WDPCP: variants seen among roughly 807,000 people sequenced by gnomAD.
WDPCP encodes the protein WD repeat-containing and planar cell polarity effector protein fritz homolog.
WDPCP carries 71 observed loss-of-function variants against 93.1 expected under a neutral mutation model. The observed-to-expected ratio is 0.76, with a 90% CI of 0.63 to 0.93. WDPCP has a LOEUF of 0.93. Among genes scored for constraint, WDPCP ranks in the 40% least tolerant of loss-of-function variants. WDPCP has a pLI of 0.00. For synonymous variants in WDPCP, 315 were observed against 315.0 expected (o/e 1.00, Z 0.00); for missense variants, 844 against 887.4 (o/e 0.95, Z 0.62).
intron 14 of WDPCP, among the ~76,000 whole-genome samples, chr2:63,199,565 T>G (rs986226649): frequency 3.9e-5 from 6 of 152,220 alleles, no homozygotes; most frequent in Non-Finnish European, 8.8e-5. Flanking sequence ...GTGGCTTCCA[T>G]GTGGTGTTAA....
At chr2:63,435,312 A>G (rs1162326975) in intron 8 of WDPCP, among the ~76,000 whole-genome samples, 1 of 152,220 alleles carries the variant, frequency 6.6e-6, no homozygotes, top group Non-Finnish European at 1.5e-5. Context: ...AGCTGTAAAG[A>G]AAAGCAAAAG....
At chr2:63,840,412 T>C in the WDPCP span, among the ~76,000 whole-genome samples, 7 of 152,344 alleles carry the variant, frequency 4.6e-5, no homozygotes, top group Admixed American at 1.3e-4. Flanking sequence ...TAAACGCCTA[T>C]CACAGCAGCT....
chr2:63,381,500 G>A (rs943361328), intron 11 of WDPCP, among the ~76,000 whole-genome samples: 10 of 151,952 alleles, frequency 6.6e-5, no homozygotes, highest in African/African-American at 1.9e-4. Flanking sequence ...AGAGGACTTC[G>A]GTGTGAGAAA....
At chr2:63,464,632 C>A (rs1699228333) in intron 6 of WDPCP, among the ~76,000 whole-genome samples, 1 of 151,744 alleles carries the variant, frequency 6.6e-6, no homozygotes, top group East Asian at 1.9e-4. Flanking sequence ...TGGAAGCAAT[C>A]CAGATGTCCA....
At chr2:63,545,017 G>C (rs1455688591) in intron 1 of WDPCP, among the ~76,000 whole-genome samples, 1 of 152,098 alleles carries the variant, frequency 6.6e-6, no homozygotes, top group African/African-American at 2.4e-5. Context: ...AATTCATAAA[G>C]TAAGCTGGAG....
intron 9 of WDPCP, 35 bp from the exon 10 acceptor site, chr2:63,404,692 C>G: frequency 6.2e-7 from 1 of 1,612,424 alleles, no homozygotes; most frequent in Non-Finnish European, 8.5e-7. Flanking sequence ...TTCAGATAAA[C>G]TTTGGTTTTT....
At position 63,332,945 on chromosome 2, in the gene WDPCP, A is replaced by AATCATT. The variant is rs1250089107; in HGVS notation, c.1749-19640_1749-19635dup. Among the ~76,000 whole-genome samples, 3 of 152,106 alleles carry AATCATT rather than the reference A, an allele frequency of 2.0e-5. No individual in the cohort carries two copies. The East Asian group carries it at 5.8e-4, about 29-fold the overall frequency. On this transcript the variant is annotated intron_variant, in intron 12 of 17. Transcript: ENST00000272321. ...TATATCTAAGAAATCTTTATATCAA[A>AATCATT]ATCATTAATGTTAATCTTCTATCCA...
intron 1 of WDPCP, among the ~76,000 whole-genome samples, chr2:63,512,606 A>G (rs888189961): frequency 2.0e-5 from 3 of 152,176 alleles, no homozygotes; most frequent in African/African-American, 7.2e-5. Flanking sequence ...CATAGATGAA[A>G]CTGGAAACCA....
intron 14 of WDPCP, among the ~76,000 whole-genome samples, chr2:63,241,804 C>T (rs1212055073): frequency 6.6e-6 from 1 of 152,028 alleles, no homozygotes; most frequent in Non-Finnish European, 1.5e-5. Flanking sequence ...CTGTGCTGTC[C>T]AGGCTGGTCT....
intron 6 of WDPCP, among the ~76,000 whole-genome samples, chr2:63,466,649 C>T (rs901653625): frequency 2.0e-5 from 3 of 152,130 alleles, no homozygotes; most frequent in Non-Finnish European, 4.4e-5. Flanking sequence ...TATGGAAGTA[C>T]AACTTTACCC....
intron 2 of WDPCP, among the ~76,000 whole-genome samples, chr2:63,762,403 AC>A (rs1670069029): frequency 6.6e-6 from 1 of 152,116 alleles, no homozygotes; most frequent in South Asian, 2.1e-4. Context: ...GAAAAAATGC[AC>A]TCATTACCCC....
rs562283609 is a variant in WDPCP at position 63,409,522 on chromosome 2, G to A, written c.826-4865C>T. Among the ~76,000 whole-genome samples, 129 of 152,192 alleles carry A rather than the reference G, an allele frequency of 8.5e-4. 1 individual carries two copies. Among genetic ancestry groups the A allele is most frequent in the African/African-American group, 2.7e-3 (111 of 41,526 alleles). ...TACCCCCAAAAGATCACACTAGGTCGCCAGCAATGGATCCAAACCAAGAAG... is the reference window on the plus strand; with the variant it reads ...TACCCCCAAAAGATCACACTAGGTCACCAGCAATGGATCCAAACCAAGAAG... On this transcript the variant is annotated intron_variant, in intron 9 of 17. Coordinates refer to ENST00000272321, the MANE Select transcript of WDPCP (RefSeq NM_015910.7).
intron 10 of WDPCP, among the ~76,000 whole-genome samples, chr2:63,384,088 C>A (rs931272486): frequency 1.3e-5 from 2 of 151,122 alleles, no homozygotes; most frequent in Admixed American, 6.6e-5. Flanking sequence ...ACCTATGGGT[C>A]AAAGAAAAAA....
At chr2:63,425,486 A>G (rs1696207553) in intron 9 of WDPCP, among the ~76,000 whole-genome samples, 1 of 152,226 alleles carries the variant, frequency 6.6e-6, no homozygotes, top group Non-Finnish European at 1.5e-5. Context: ...AATCCAGTAA[A>G]ATGATTCAAG....
At chr2:63,172,015 A>T (rs151245220) in intron 15 of WDPCP, among the ~76,000 whole-genome samples, 127 of 152,348 alleles carry the variant, frequency 8.3e-4, no homozygotes, top group African/African-American at 2.8e-3. Context: ...GACAGAAAGC[A>T]GAGCAATGTT....
chr2:63,204,583 CT>C (rs1055110513), intron 14 of WDPCP, among the ~76,000 whole-genome samples: 1 of 152,070 alleles, frequency 6.6e-6, no homozygotes, highest in African/African-American at 2.4e-5. Flanking sequence ...CTCAGGTGAT[CT>C]GCCCGCCTCA....
upstream of WDPCP, chr2:63,589,498 G>T (rs1709112603): frequency 3.0e-6 from 3 of 1,000,690 alleles, no homozygotes; most frequent in South Asian, 4.1e-5. Flanking sequence ...TGGAAAGGTA[G>T]TATTTACCAG....
chr2:63,615,114 C>A (rs187627978), intron 3 of WDPCP, among the ~76,000 whole-genome samples: 4 of 152,234 alleles, frequency 2.6e-5, no homozygotes, highest in African/African-American at 9.6e-5. Context: ...CAAAAAGCAG[C>A]CCAGGAAATC....
intron 13 of WDPCP, among the ~76,000 whole-genome samples, chr2:63,299,945 T>A (rs1038688319): frequency 6.6e-6 from 1 of 152,134 alleles, no homozygotes. Context: ...GGCGGCTCCA[T>A]CTTCCCTTCT....
Sources: allele counts gnomAD v4.1 joint callset (sites outside exome capture counted in the v4.1 genomes callset), GRCh38; gene constraint gnomAD v4.1.1; transcripts MANE v1.5; gene names NCBI Gene and HGNC (gene_info 2026-07-23, HGNC 2026-07-21).